Variants in SDK1 observed in about 807,000 individuals in gnomAD.
The protein encoded by SDK1 is sidekick cell adhesion molecule 1.
Under a neutral mutation model 245.5 loss-of-function variants are expected in SDK1, and 157 were observed. The observed-to-expected ratio is 0.64, with a 90% CI of 0.56 to 0.73. SDK1 has a LOEUF of 0.73. Among genes scored for constraint, SDK1 ranks in the 30% least tolerant of loss-of-function variants. The probability of loss-of-function intolerance (pLI) is 0.00; values close to 1 mark genes in which losing one functional copy is unlikely to be tolerated. For synonymous variants in SDK1, 1,647 were observed against 1,278.5 expected, an observed-to-expected ratio of 1.29 and a Z score of -6.15; for missense variants, 3,583 against 3,002.3, an observed-to-expected ratio of 1.19 and a Z score of -4.52.
At position 3,821,577 on chromosome 7, in the gene SDK1, A is replaced by G. The variant is rs763857438; in HGVS notation, c.841A>G (p.Ile281Val). Residue 281 changes from isoleucine to valine, a missense_variant, in exon 5 of 45, where the codon ATA becomes GTA. Transcript: ENST00000404826. ...NKTSPFIHLS[I>V]ARDVGTPETM... ...GACAAGCCCATTCATTCATTTGAGC[A>G]TAGCAAGTGAGTTTTGAAATCCCAA... The G allele has an allele frequency of 1.9e-6, 3 of 1,612,412 alleles. 1 individual carries two copies. Among genetic ancestry groups the G allele is most frequent in the South Asian group, 2.2e-5 (2 of 90,570 alleles).
intron 8 of SDK1, 117 bp downstream of exon 8, chr7:3,959,131 A>G: frequency 1.2e-6 from 1 of 813,292 alleles, no homozygotes; most frequent in Non-Finnish European, 2.1e-6. Context: ...GGCGAAGAGC[A>G]GACTTCAGAG....
At chr7:3,364,028 T>C (rs1468437885) in intron 1 of SDK1, among the ~76,000 whole-genome samples, 3 of 152,248 alleles carry the variant, frequency 2.0e-5, no homozygotes, top group Admixed American at 6.5e-5. Context: ...ATTTTGGTTT[T>C]AATTTGCATT....
intron 1 of SDK1, among the ~76,000 whole-genome samples, chr7:3,587,251 T>A (rs1780720552): frequency 1.3e-5 from 2 of 152,088 alleles, no homozygotes; most frequent in South Asian, 4.1e-4. Flanking sequence ...AGTTTGAGAT[T>A]TTAAACATTT....
intron 1 of SDK1, among the ~76,000 whole-genome samples, chr7:3,459,603 A>T (rs1034385745): frequency 6.6e-6 from 1 of 152,210 alleles, no homozygotes; most frequent in Non-Finnish European, 1.5e-5. Context: ...TGTCTGTAGA[A>T]TGTATTGGCT....
intron 1 of SDK1, among the ~76,000 whole-genome samples, chr7:3,416,156 T>G (rs1285397077): frequency 1.3e-5 from 2 of 152,220 alleles, no homozygotes; most frequent in Non-Finnish European, 1.5e-5. Flanking sequence ...AGGTAATGAT[T>G]ATGGATCGTA....
chr7:3,698,625 A>G (rs913108725), intron 4 of SDK1, among the ~76,000 whole-genome samples: 2 of 152,216 alleles, frequency 1.3e-5, no homozygotes, highest in South Asian at 2.1e-4. Flanking sequence ...GCGGACGTCT[A>G]TTTCCTCACA....
At chr7:3,329,844 T>C (rs977139593) in intron 1 of SDK1, among the ~76,000 whole-genome samples, 2 of 152,252 alleles carry the variant, frequency 1.3e-5, no homozygotes, top group African/African-American at 2.4e-5. Context: ...CAACTACTTA[T>C]ATAGCATTTA....
At chr7:3,466,512 A>G (rs971778323) in intron 1 of SDK1, among the ~76,000 whole-genome samples, 3 of 149,286 alleles carry the variant, frequency 2.0e-5, no homozygotes, top group Middle Eastern at 3.4e-3. Context: ...AGTTGGAGAC[A>G]TTAGCTTGGG....
chr7:4,079,688 T>C, intron 22 of SDK1, 104 bp downstream of exon 22: 1 of 1,490,996 alleles, frequency 6.7e-7, no homozygotes, highest in Non-Finnish European at 9.2e-7. Flanking sequence ...GTCGGGGAGA[T>C]GGGTGTGCTT....
chr7:3,843,490 TA>T (rs1284218947), intron 5 of SDK1, among the ~76,000 whole-genome samples: 46 of 152,382 alleles, frequency 3.0e-4, no homozygotes, highest in African/African-American at 1.1e-3. Context: ...TCAAATTAAC[TA>T]AAGTCAACCT....
At chr7:4,092,607 C>T (rs1338603109) in intron 22 of SDK1, among the ~76,000 whole-genome samples, 6 of 152,194 alleles carry the variant, frequency 3.9e-5, no homozygotes, top group African/African-American at 1.4e-4. Context: ...GTTGTTGACT[C>T]CTAGTCTGTG....
intron 1 of SDK1, among the ~76,000 whole-genome samples, chr7:3,504,168 T>A (rs568177820): frequency 4.5e-5 from 5 of 110,056 alleles, no homozygotes; most frequent in Admixed American, 9.9e-5. Context: ...ACCAAAAAAA[T>A]TATATATATA....
intron 1 of SDK1, among the ~76,000 whole-genome samples, chr7:3,505,768 G>A (rs1437139719): frequency 6.6e-6 from 1 of 152,044 alleles, no homozygotes; most frequent in Non-Finnish European, 1.5e-5. Context: ...CTGTAGATGT[G>A]GAGAACTGAC....
chr7:4,007,798 G>T (rs562492237), intron 14 of SDK1, among the ~76,000 whole-genome samples: 68 of 152,152 alleles, frequency 4.5e-4, no homozygotes, highest in Middle Eastern at 3.4e-3. Context: ...TAGAGGCGGG[G>T]TTTCACCGTC....
intron 40 of SDK1, among the ~76,000 whole-genome samples, chr7:4,225,338 C>T (rs1785369312): frequency 1.3e-5 from 2 of 152,200 alleles, no homozygotes; most frequent in Admixed American, 1.3e-4. Flanking sequence ...ATTGAAAAAG[C>T]CACGGTGTCC....
chr7:3,809,311 A>G (rs989042300), intron 4 of SDK1, among the ~76,000 whole-genome samples: 1 of 152,056 alleles, frequency 6.6e-6, no homozygotes, highest in African/African-American at 2.4e-5. Flanking sequence ...TTCATGAGAA[A>G]TCCACCCTCA....
Position 4,205,826 on chromosome 7 carries a change from G to A in SDK1, c.5099-53G>A, listed in dbSNP as rs754056900. On this transcript the variant is annotated intron_variant, in intron 35 of 44. Transcript: ENST00000404826. ...CCCATGGGCATGTGGGCGAGGGTCC[G>A]GGCCGGCTCTGAATGAACGTCTCAG... 8.0e-5 allele frequency: 115 copies of A among 1,428,978 alleles called. 1 individual carries two copies. The highest frequency in any genetic ancestry group is 1.0e-4 in the Non-Finnish European group (105 of 1,037,276). 88.5% of individuals were successfully genotyped at this position (1,428,978 alleles called of 1,614,324 possible).
intron 1 of SDK1, among the ~76,000 whole-genome samples, chr7:3,421,898 A>G (rs908198883): frequency 1.3e-5 from 2 of 152,160 alleles, no homozygotes; most frequent in Non-Finnish European, 2.9e-5. Context: ...GGCCAGATGC[A>G]GTGGCTCCTA....
chr7:3,466,630 A>G (rs552767496), intron 1 of SDK1, among the ~76,000 whole-genome samples: 7 of 151,396 alleles, frequency 4.6e-5, no homozygotes, highest in East Asian at 1.9e-4. Context: ...TCCATGTTTC[A>G]TGTGAAATTG....
Sources: allele counts gnomAD v4.1 joint callset (sites outside exome capture counted in the v4.1 genomes callset), GRCh38; gene constraint gnomAD v4.1.1; transcripts MANE v1.5; gene names NCBI Gene and HGNC (gene_info 2026-07-23, HGNC 2026-07-21).